PIDD1: variants seen among roughly 807,000 people sequenced by gnomAD.
PIDD1 encodes p53-induced death domain protein 1, also known as p53-induced death domain-containing protein 1.
In PIDD1, 72 loss-of-function variants were observed where a neutral mutation model predicts 80.0. The ratio of observed to expected loss-of-function variants is 0.90; its 90% CI spans 0.74 to 1.09. PIDD1 has a LOEUF of 1.09. Among genes scored for constraint, PIDD1 ranks in the 50% least tolerant of loss-of-function variants. PIDD1 has a pLI of 0.00. For missense variants in PIDD1, 1,329 were observed against 1,228.3 expected, an observed-to-expected ratio of 1.08 and a Z score of -1.23; for synonymous variants, 655 against 543.5, an observed-to-expected ratio of 1.21 and a Z score of -2.85.
intron 7 of PIDD1, 50 bp from the exon 8 acceptor site, chr11:801,674 C>T (rs1865340732): frequency 3.5e-6 from 5 of 1,445,238 alleles, no homozygotes; most frequent in Non-Finnish European, 4.8e-6. Flanking sequence ...AGGGCACAGC[C>T]AGTCAGGGAC....
Position 801,066 on chromosome 11 carries a change from G to A in PIDD1, c.1685C>T (p.Ala562Val). 1 of 1,598,516 alleles carries A rather than the reference G, an allele frequency of 6.3e-7. No individual in the cohort carries two copies. The highest frequency in any genetic ancestry group is 1.3e-5 in the African/African-American group (1 of 74,854). ...LHLLYWAPPA[A>V]TWDDITAQVV... ...CTGAGCTGTGATGTCATCCCAGGTG[G>A]CTGCAGGAGGGGCCCAGTACAACAG... The change falls in exon 10 of 16, where the codon GCC becomes GTC. Residue 562 changes from alanine to valine, a missense_variant. Ala to Val is a moderately conservative substitution (Grantham distance 64). Transcript: ENST00000347755.
intron 3 of PIDD1, 119 bp from the exon 4 acceptor site, chr11:803,010 C>A: frequency 9.5e-7 from 1 of 1,057,260 alleles, no homozygotes. Flanking sequence ...GCTCAGAGAA[C>A]TCTGACAAAG....
chr11:804,439 C>G lies in PIDD1; in HGVS notation c.-51G>C. ...AGACATGTCCCAGCACGCAGGCAGG[C>G]CTGTCCAGGCAGCGCCCGGGGAAGC... is the stretch of plus-strand genomic sequence containing the variant. On this transcript the variant is annotated 5_prime_UTR_variant, in exon 2 of 16. Coordinates refer to ENST00000347755, the MANE Select transcript of PIDD1 (RefSeq NM_145886.4). The G allele has an allele frequency of 6.5e-7, 1 of 1,529,322 alleles. No homozygotes were observed. The highest frequency in any genetic ancestry group is 8.8e-7 in the Non-Finnish European group (1 of 1,141,028). 94.7% of individuals were successfully genotyped at this position (1,529,322 alleles called of 1,614,324 possible).
In PIDD1 at chr11:804,093, C is replaced by T. The variant is rs752881372; in HGVS notation, c.295+1G>A. The T allele has an allele frequency of 1.3e-5, 21 of 1,605,182 alleles. No homozygotes were observed. The highest frequency in any genetic ancestry group is 1.8e-5 in the Non-Finnish European group (21 of 1,174,570). ...CAGGGCCCAGAACAGGTGGAACTCA[C>T]CTTTGAGGACCAGGGAGCGGAGGCA... On this transcript the variant is annotated splice_donor_variant, in intron 2 of 15. Transcript: ENST00000347755. LOFTEE classifies it high-confidence loss of function.
At chr11:803,057 G>A (rs1166739981) in intron 3 of PIDD1, 117 bp downstream of exon 3, 5 of 967,880 alleles carry the variant, frequency 5.2e-6, no homozygotes, top group East Asian at 2.5e-5. Flanking sequence ...GAGGTGGAGG[G>A]ACAACCAAGA....
At position 802,731 on chromosome 11, in the gene PIDD1, C is replaced by A; in HGVS notation, c.870G>T (p.Leu290=). ...PELLDAPFVR[L]QGNPLGEASP... ...AGGCCTCACCCAGGGGGTTCCCCTG[C>A]AGGCGCACAAAGGGGGCGTCTAGCA... Residue 290 remains leucine (L), a synonymous_variant, in exon 4 of 16, where the codon CTG becomes CTT. Coordinates refer to ENST00000347755, the MANE Select transcript of PIDD1 (RefSeq NM_145886.4). 6.2e-7 allele frequency: 1 copy of A among 1,611,802 alleles called. No homozygotes were observed. Among genetic ancestry groups the A allele is most frequent in the Non-Finnish European group, 8.5e-7 (1 of 1,179,432 alleles).
At chr11:804,506 CCTTCT>C (rs1444626293) in intron 1 of PIDD1, 43 bp from the exon 2 acceptor site, 3 of 1,442,274 alleles carry the variant, frequency 2.1e-6, no homozygotes, top group Non-Finnish European at 2.7e-6. Context: ...CGGGGTGGGC[CCTTCT>C]CTTTGGGGAA....
chr11:802,082 C>A lies in PIDD1; in HGVS notation c.1185G>T (p.Gly395=). The A allele has an allele frequency of 6.3e-7, 1 of 1,578,248 alleles. No homozygotes were observed. The highest frequency in any genetic ancestry group is 8.6e-7 in the Non-Finnish European group (1 of 1,162,674). ...PHGVAFQQDV[G]LWLLFTPPQA... is the part of the protein sequence containing the mutation. The stretch of plus-strand genomic sequence containing the variant: ...GCGGTGGGGTGAAGAGCAGCCACAG[C>A]CCCACATCCTGCCAGACAAGGATGG... Residue 395 remains glycine, a synonymous_variant, in exon 7 of 16, where the codon GGG becomes GGT. Transcript: ENST00000347755.
At chr11:804,585 G>T (rs536214635) in intron 1 of PIDD1, 122 bp from the exon 2 acceptor site, 3 of 1,018,476 alleles carry the variant, frequency 2.9e-6, no homozygotes, top group Admixed American at 3.2e-5. Context: ...GCTGCAGAGT[G>T]GGGGAGACCT....
In PIDD1 at chr11:800,209, C is replaced by G; in HGVS notation, c.2196G>C (p.Val732=). The change falls in exon 14 of 16, where the codon GTG becomes GTC. Residue 732 remains valine (V), a synonymous_variant. Coordinates refer to ENST00000347755, the MANE Select transcript of PIDD1 (RefSeq NM_145886.4). ...SFYRGAVPVR[V]PEEAEAARQR... is the part of the protein sequence containing the mutation. ...GCCGGGCAGCCTCAGCCTCCTCGGG[C>G]ACCCGCACAGGCACCGCGCCACGGT... 6.2e-7 allele frequency: 1 copy of G among 1,610,328 alleles called. No individual in the cohort carries two copies. Among genetic ancestry groups the G allele is most frequent in the Non-Finnish European group, 8.5e-7 (1 of 1,178,942 alleles).
chr11:800,397 T>A lies in PIDD1; in HGVS notation c.2096A>T (p.Lys699Met). The A allele has an allele frequency of 6.3e-7, 1 of 1,587,924 alleles. No homozygotes were observed. The highest frequency in any genetic ancestry group is 1.1e-5 in the South Asian group (1 of 90,368). ...RICFVFYSHL[K>M]NVKEVYVTTT... The stretch of plus-strand genomic sequence containing the variant: ...GGTCACGTATACCTCCTTCACATTC[T>A]TCAGGTGCGAGTAGAAGACAAAGCA... Residue 699 changes from lysine (K) to methionine (M), a missense_variant, in exon 13 of 16, where the codon AAG becomes ATG. Coordinates refer to ENST00000347755, the MANE Select transcript of PIDD1 (RefSeq NM_145886.4).
At position 799,539 on chromosome 11, in the gene PIDD1, TGACG is replaced by T; in HGVS notation, c.2497_2500del (p.Arg833ThrfsTer110). On this transcript the variant is annotated frameshift_variant, in exon 16 of 16. Coordinates refer to ENST00000347755, the MANE Select transcript of PIDD1 (RefSeq NM_145886.4). LOFTEE classifies it low-confidence loss of function (END_TRUNC). ...GCGCTCAGCCCAGGAGAAGAGCATG[TGACG>T]GATCTGCTCATCCAGATCATCCCTG... is the stretch of plus-strand genomic sequence containing the variant. 1 of 1,602,596 alleles carries T rather than the reference TGACG, an allele frequency of 6.2e-7. No individual in the cohort carries two copies. Among genetic ancestry groups the T allele is most frequent in the African/African-American group, 1.3e-5 (1 of 75,018 alleles).
upstream of PIDD1, among the ~76,000 whole-genome samples, chr11:806,696 C>A (rs1174184715): frequency 1.3e-5 from 2 of 152,068 alleles, no homozygotes; most frequent in African/African-American, 2.4e-5. Flanking sequence ...CGTTCTCCTG[C>A]CTCAGCCTCC....
At chr11:807,372 G>C (rs1478339253), upstream of PIDD1, among the ~76,000 whole-genome samples, 6 of 151,670 alleles carry the variant, frequency 4.0e-5, no homozygotes, top group East Asian at 9.7e-4. Context: ...CCAGCTACTC[G>C]GGAGGCTGAG....
rs765717504 is a variant in PIDD1 at position 802,272 on chromosome 11, G to A, written c.1099C>T (p.Leu367Phe). 3.1e-6 allele frequency: 5 copies of A among 1,611,928 alleles called. No homozygotes were observed. The highest frequency in any genetic ancestry group is 1.7e-5 in the Admixed American group (1 of 59,930). ...RYRLLLPEPG[L>F]VPLGPHDALL... ...GCGTCATGAGGACCCAGGGGGACGA[G>A]GCCTGGCTCCGGCAGCAGCAGCCGA... The change falls in exon 6 of 16, where the codon CTC (leucine) becomes TTC (phenylalanine). Residue 367 changes from leucine (L) to phenylalanine (F), a missense_variant. Coordinates refer to ENST00000347755, the MANE Select transcript of PIDD1 (RefSeq NM_145886.4).
Position 801,480 on chromosome 11 carries a change from C to G in PIDD1, c.1447G>C (p.Gly483Arg). 1 of 1,547,252 alleles carries G rather than the reference C, an allele frequency of 6.5e-7. No homozygotes were observed. The highest frequency in any genetic ancestry group is 8.7e-7 in the Non-Finnish European group (1 of 1,144,396). Residue 483 changes from glycine (G) to arginine (R), a missense_variant, in exon 8 of 16, where the codon GGG becomes CGG. Coordinates refer to ENST00000347755, the MANE Select transcript of PIDD1 (RefSeq NM_145886.4). ...HPGVKVIFPP[G>R]ATEEPRRVSM... ...ACTCGACGAGGCTCCTCAGTGGCCC[C>G]AGGGGGGAAGATGACTTTGACCCCA...
chr11:801,075 G>T lies in PIDD1; in HGVS notation c.1676C>A (p.Pro559His). The change falls in exon 10 of 16, where the codon CCT becomes CAT. Residue 559 changes from proline to histidine, a missense_variant. Coordinates refer to ENST00000347755, the MANE Select transcript of PIDD1 (RefSeq NM_145886.4). ...GATGTCATCCCAGGTGGCTGCAGGA[G>T]GGGCCCAGTACAACAGGTGCAGGCG... ...RSRLHLLYWA[P>H]PAATWDDITA... is the part of the protein sequence containing the mutation. 1 of 1,597,650 alleles carries T rather than the reference G, an allele frequency of 6.3e-7. No homozygotes were observed. The highest frequency in any genetic ancestry group is 2.3e-5 in the East Asian group (1 of 44,396).
Position 800,642 on chromosome 11 carries a change from G to A in PIDD1, c.1942C>T (p.Leu648=). 6.3e-7 allele frequency: 1 copy of A among 1,592,956 alleles called. No individual in the cohort carries two copies. Residue 648 remains leucine (L), a synonymous_variant, in exon 12 of 16, where the codon CTG becomes TTG. Coordinates refer to ENST00000347755, the MANE Select transcript of PIDD1 (RefSeq NM_145886.4). Reference sequence around the variant, plus strand: ...GGCTCGGGGCCCCGGTACCGCTCCAGCAGCCGCCGAAGGGTGGCGTCCACC... The same window carrying A: ...GGCTCGGGGCCCCGGTACCGCTCCAACAGCCGCCGAAGGGTGGCGTCCACC... ...NKVDATLRRL[L]ERYRGPEPSD...
rs1865046792 is a variant in PIDD1, at chr11:799,538, G to T, written c.2502C>A (p.His834Gln). Residue 834 changes from histidine (H) to glutamine (Q), a missense_variant, in exon 16 of 16, where the codon CAC becomes CAA. His to Gln is a conservative substitution (Grantham distance 24). Transcript: ENST00000347755. The part of the protein sequence containing the change: ...FRDDLDEQIR[H>Q]MLFSWAERQA... ...GGCGCTCAGCCCAGGAGAAGAGCAT[G>T]TGACGGATCTGCTCATCCAGATCAT... 6.2e-7 allele frequency: 1 copy of T among 1,602,882 alleles called. No individual in the cohort carries two copies. The highest frequency in any genetic ancestry group is 8.5e-7 in the Non-Finnish European group (1 of 1,179,142).
Sources: gnomAD v4.1 joint callset for allele counts (sites outside exome capture counted in the v4.1 genomes callset) on GRCh38, gnomAD v4.1.1 for gene constraint, MANE v1.5 for transcripts, NCBI Gene and HGNC (gene_info 2026-07-23, HGNC 2026-07-21) for gene names.